SERPINA10: variants seen among roughly 807,000 people sequenced by gnomAD.
SERPINA10 encodes protein Z-dependent protease inhibitor.
Under a neutral mutation model 28.0 loss-of-function variants are expected in SERPINA10, and 24 were observed. That is an observed-to-expected ratio of 0.86 (90% CI 0.62 to 1.20). SERPINA10 has a LOEUF of 1.20. SERPINA10 is among the 50% of genes most tolerant of loss of function. The pLI is 0.00. For missense variants in SERPINA10, 521 were observed against 537.7 expected, an observed-to-expected ratio of 0.97 and a Z score of 0.31; for synonymous variants, 207 against 203.9, an observed-to-expected ratio of 1.02 and a Z score of -0.13.
At chr14:94,289,665 A>C (rs1028856759) in intron 2 of SERPINA10, among the ~76,000 whole-genome samples, 1 of 152,208 alleles carries the variant, frequency 6.6e-6, no homozygotes, top group African/African-American at 2.4e-5. Context: ...TCTGAAAATA[A>C]TAAGGACTAC....
Position 94,282,818 on chromosome 14 carries a change from T to C in SERPINA10, c.*1147A>G, listed in dbSNP as rs1458716668. On this transcript the variant is annotated 3_prime_UTR_variant, in exon 5 of 5. Coordinates refer to ENST00000261994, the MANE Select transcript of SERPINA10 (RefSeq NM_001100607.3). ...TACCAATGCAGCCATAGAACATATATATCTTCATGAAGGAAGGAGGAGTCT... is the reference window on the plus strand; with the variant it reads ...TACCAATGCAGCCATAGAACATATACATCTTCATGAAGGAAGGAGGAGTCT... The C allele has an allele frequency of 6.6e-6, 1 of 152,210 alleles. No homozygotes were observed. Among genetic ancestry groups the C allele is most frequent in the African/African-American group, 2.4e-5 (1 of 41,450 alleles). The allele number at this position is 152,210 out of a possible 1,614,324, so 9.4% of individuals were successfully genotyped here.
chr14:94,288,864 T>C (rs1895091251), intron 2 of SERPINA10, among the ~76,000 whole-genome samples: 1 of 152,168 alleles, frequency 6.6e-6, no homozygotes, highest in South Asian at 2.1e-4. Flanking sequence ...CTCCTCTCAT[T>C]GTCCTGGACC....
intron 4 of SERPINA10, among the ~76,000 whole-genome samples, chr14:94,285,534 CACAT>C (rs1163973174): frequency 4.6e-5 from 7 of 151,366 alleles, no homozygotes; most frequent in Admixed American, 1.3e-4. Flanking sequence ...CACATATACA[CACAT>C]ATACATTTAT....
rs1311611924 is a variant in SERPINA10 at position 94,280,965 on chromosome 14, A to T, written c.*3000T>A. 2 of 152,190 alleles carry T rather than the reference A, an allele frequency of 1.3e-5. No individual in the cohort carries two copies. Among genetic ancestry groups the T allele is most frequent in the African/African-American group, 4.8e-5 (2 of 41,448 alleles). 9.4% of individuals were successfully genotyped at this position (152,190 alleles called of 1,614,324 possible). A position where few individuals can be genotyped will look rare whatever the true frequency, so the allele number is the denominator to read the frequency against. The stretch of plus-strand genomic sequence containing the variant: ...TGGAGATGAGTCAGTTTTGCCATAC[A>T]ATTAGTGGATATATGAGAAATCTTT... On this transcript the variant is annotated 3_prime_UTR_variant, in exon 5 of 5. Coordinates refer to ENST00000261994, the MANE Select transcript of SERPINA10 (RefSeq NM_001100607.3).
chr14:94,290,496 G>A lies in SERPINA10; in HGVS notation c.98C>T (p.Ala33Val). The change falls in exon 2 of 5, where the codon GCC (alanine) becomes GTC (valine). Residue 33 changes from alanine to valine, a missense_variant. Transcript: ENST00000261994. ...APSPQSPETP[A>V]PQNQTSRVVQ... The stretch of plus-strand genomic sequence containing the variant: ...TACCCTGCTGGTCTGGTTCTGAGGG[G>A]CTGGGGTCTCTGGCGACTGAGGACT... 1 of 1,613,602 alleles carries A rather than the reference G, an allele frequency of 6.2e-7. No homozygotes were observed. Among genetic ancestry groups the A allele is most frequent in the Non-Finnish European group, 8.5e-7 (1 of 1,179,820 alleles).
chr14:94,288,636 G>A (rs1895085336), intron 2 of SERPINA10, 77 bp from the exon 3 acceptor site: 17 of 1,560,140 alleles, frequency 1.1e-5, no homozygotes, highest in Non-Finnish European at 1.5e-5. Context: ...TAATAGAGAG[G>A]GAGCCTTCTA....
chr14:94,291,995 C>G (rs1054912205), intron 1 of SERPINA10, among the ~76,000 whole-genome samples: 2 of 152,190 alleles, frequency 1.3e-5, no homozygotes, highest in African/African-American at 4.8e-5. Flanking sequence ...TGAGGAAGCT[C>G]TTTTTGACTC....
At position 94,293,047 on chromosome 14, in the gene SERPINA10, C is replaced by G. The variant is rs1392785891; in HGVS notation, c.-51+142G>C. 4 of 243,526 alleles carry G rather than the reference C, an allele frequency of 1.6e-5. No individual in the cohort carries two copies. The South Asian group carries it at 2.8e-4, about 17-fold the overall frequency. 15.1% of individuals were successfully genotyped at this position (243,526 alleles called of 1,614,324 possible). A position where few individuals can be genotyped will look rare whatever the true frequency, so the allele number is the denominator to read the frequency against. On this transcript the variant is annotated intron_variant, in intron 1 of 4. Transcript: ENST00000261994. ...CAGCTCCCAATCTGTATGTACAGTC[C>G]CTGTGGAGTGTAGGATGGAGGTCTT...
chr14:94,286,991 G>A (rs1053579023), intron 3 of SERPINA10, among the ~76,000 whole-genome samples: 2 of 152,186 alleles, frequency 1.3e-5, no homozygotes, highest in African/African-American at 2.4e-5. Flanking sequence ...CTGAGTCACA[G>A]GATTCAGAAG....
At chr14:94,291,004 C>T (rs1225907526) in intron 1 of SERPINA10, among the ~76,000 whole-genome samples, 2 of 152,210 alleles carry the variant, frequency 1.3e-5, no homozygotes, top group African/African-American at 2.4e-5. Context: ...TCCTCACACA[C>T]CTTTCCTTGA....
rs778268086 is a variant in SERPINA10 at position 94,288,427 on chromosome 14, C to T, written c.851G>A (p.Arg284His). Reference protein sequence around the residue: ...KFASTFDKNFRCHVLKLPYQG... With the variant: ...KFASTFDKNFHCHVLKLPYQG... Reference sequence around the variant, plus strand: ...GTAGGGCAGTTTGAGGACATGACAACGAAAATTCTTGTCAAAGGTGGAGGC... The same window carrying T: ...GTAGGGCAGTTTGAGGACATGACAATGAAAATTCTTGTCAAAGGTGGAGGC... The change falls in exon 3 of 5, where the codon CGT becomes CAT. Residue 284 changes from arginine (R) to histidine (H), a missense_variant. By Grantham distance (29) the Arg-to-His change is conservative. Coordinates refer to ENST00000261994, the MANE Select transcript of SERPINA10 (RefSeq NM_001100607.3). 63 of 1,613,958 alleles carry T rather than the reference C, an allele frequency of 3.9e-5. No homozygotes were observed. Among genetic ancestry groups the T allele is most frequent in the East Asian group, 6.7e-5 (3 of 44,886 alleles).
In SERPINA10 at chr14:94,288,273, G is replaced by A; in HGVS notation, c.992+13C>T. ...AAGGTAGAGTTTGTATAGGGTGTGGGCAAGAGTTGTACCTGGTTTTCATGT... is the reference window on the plus strand; with the variant it reads ...AAGGTAGAGTTTGTATAGGGTGTGGACAAGAGTTGTACCTGGTTTTCATGT... On this transcript the variant is annotated intron_variant, in intron 3 of 4. Transcript: ENST00000261994. 1 of 1,613,086 alleles carries A rather than the reference G, an allele frequency of 6.2e-7. No individual in the cohort carries two copies. Among genetic ancestry groups the A allele is most frequent in the Non-Finnish European group, 8.5e-7 (1 of 1,180,018 alleles).
At chr14:94,292,993 G>C in intron 1 of SERPINA10, 196 bp downstream of exon 1, 1 of 352,176 alleles carries the variant, frequency 2.8e-6, no homozygotes, top group South Asian at 4.0e-5. Context: ...GGAGCCCCTT[G>C]TGTCTATAAT....
intron 1 of SERPINA10, among the ~76,000 whole-genome samples, chr14:94,291,920 C>CGGCA (rs1895188298): frequency 6.6e-6 from 1 of 152,210 alleles, no homozygotes; most frequent in Non-Finnish European, 1.5e-5. Context: ...GCAGTCTGAA[C>CGGCA]GGCACTACCC....
Position 94,289,991 on chromosome 14 carries a change from G to T in SERPINA10, c.603C>A (p.Ala201=). The change falls in exon 2 of 5, where the codon GCC becomes GCA. Residue 201 remains alanine, a synonymous_variant. Coordinates refer to ENST00000261994, the MANE Select transcript of SERPINA10 (RefSeq NM_001100607.3). ...VPMNFRNASQ[A]KRLMNHYINK... is the part of the protein sequence containing the mutation. ...TAATGTAATGATTCATGAGCCTTTT[G>T]GCCTGTGAGGCATTGCGAAAATTCA... 6.2e-7 allele frequency: 1 copy of T among 1,614,126 alleles called. No individual in the cohort carries two copies. Among genetic ancestry groups the T allele is most frequent in the Non-Finnish European group, 8.5e-7 (1 of 1,179,994 alleles).
Position 94,288,378 on chromosome 14 carries a change from C to CACCA in SERPINA10, c.896_899dup (p.Val301GlyfsTer9). 4 of 1,614,068 alleles carry CACCA rather than the reference C, an allele frequency of 2.5e-6. No individual in the cohort carries two copies. Among genetic ancestry groups the CACCA allele is most frequent in the Non-Finnish European group, 3.4e-6 (4 of 1,179,992 alleles). The stretch of plus-strand genomic sequence containing the variant: ...GGTCACCCATTTTCTCCATGAGGAC[C>CACCA]ACCAGCATGGTGGCATTTCCTTGGT... On this transcript the variant is annotated frameshift_variant, in exon 3 of 5. Coordinates refer to ENST00000261994, the MANE Select transcript of SERPINA10 (RefSeq NM_001100607.3). LOFTEE classifies it high-confidence loss of function.
intron 1 of SERPINA10, among the ~76,000 whole-genome samples, chr14:94,292,402 T>G (rs1895200781): frequency 6.6e-6 from 1 of 152,020 alleles, no homozygotes. Context: ...CTGTGAAAAA[T>G]CAATGGCTGT....
chr14:94,292,611 T>C (rs1004889869), intron 1 of SERPINA10: 4 of 701,588 alleles, frequency 5.7e-6, no homozygotes, highest in Non-Finnish European at 1.0e-5. Context: ...AGTCTTACCT[T>C]CCTGTTCTTG....
intron 3 of SERPINA10, among the ~76,000 whole-genome samples, chr14:94,286,967 T>C (rs1448948120): frequency 6.6e-6 from 1 of 152,200 alleles, no homozygotes; most frequent in African/African-American, 2.4e-5. Flanking sequence ...TTAGCTGCAC[T>C]TGTCTGCCAA....
Sources: allele counts gnomAD v4.1 joint callset (sites outside exome capture counted in the v4.1 genomes callset), GRCh38; gene constraint gnomAD v4.1.1; transcripts MANE v1.5; gene names NCBI Gene and HGNC (gene_info 2026-07-23, HGNC 2026-07-21).